TRPC4: variants seen among roughly 807,000 people sequenced by gnomAD.
TRPC4 encodes the protein short transient receptor potential channel 4.
Under a neutral mutation model 99.4 loss-of-function variants are expected in TRPC4, and 49 were observed. That is an observed-to-expected ratio of 0.49 (90% CI 0.39 to 0.63). The LOEUF (loss-of-function observed/expected upper bound fraction) is 0.63, where lower values mean the gene tolerates loss of function less well. Among genes scored for constraint, TRPC4 ranks in the 20% least tolerant of loss-of-function variants. TRPC4 has a pLI of 0.00. For missense variants in TRPC4, 898 were observed against 1,152.9 expected (o/e 0.78, Z 3.20); for synonymous variants, 454 against 425.9 (o/e 1.07, Z -0.81).
In TRPC4 at chr13:37,812,197, C is replaced by CAAAAAAAAA. The variant is rs1156963631; in HGVS notation, c.-27-28838_-27-28837insTTTTTTTTT. ...CTATCAAAAAAAAAAAAAAAAAAAC[C>CAAAAAAAAA]AGGAGATCTAATTGCTTCAAGTAAA... is the stretch of plus-strand genomic sequence containing the variant. On this transcript the variant is annotated intron_variant, in intron 1 of 10. Transcript: ENST00000379705. Among the ~76,000 whole-genome samples, 16 of 111,242 alleles carry CAAAAAAAAA rather than the reference C, an allele frequency of 1.4e-4. 1 individual carries two copies. The highest frequency in any genetic ancestry group is 2.8e-4 in the African/African-American group (9 of 32,088). 73.0% of individuals were successfully genotyped at this position (111,242 alleles called of 152,430 possible). A position where few individuals can be genotyped will look rare whatever the true frequency, so the allele number is the denominator to read the frequency against.
chr13:37,787,192 G>A (rs2139369551), intron 1 of TRPC4, among the ~76,000 whole-genome samples: 1 of 152,090 alleles, frequency 6.6e-6, no homozygotes, highest in Non-Finnish European at 1.5e-5. Flanking sequence ...TACTAAAGAG[G>A]AAATGAATTT....
intron 1 of TRPC4, among the ~76,000 whole-genome samples, chr13:37,821,989 A>G (rs936871527): frequency 1.3e-5 from 2 of 152,174 alleles, no homozygotes; most frequent in African/African-American, 4.8e-5. Flanking sequence ...AGAACTTCAC[A>G]CAGGAAAAGA....
Position 37,632,248 on chromosome 13 carries a change from T to C in TRPC4, c.*4655A>G, listed in dbSNP as rs1270723292. On this transcript the variant is annotated 3_prime_UTR_variant, in exon 11 of 11. Coordinates refer to ENST00000379705, the MANE Select transcript of TRPC4 (RefSeq NM_016179.4). The stretch of plus-strand genomic sequence containing the variant: ...AAGGCACAAATGCAAGCCACATACG[T>C]ATTTTTCAGTTTTCTAGTAGCCACA... Among the ~76,000 whole-genome samples, 1 of 152,208 alleles carries C rather than the reference T, an allele frequency of 6.6e-6. No individual in the cohort carries two copies. Among genetic ancestry groups the C allele is most frequent in the Non-Finnish European group, 1.5e-5 (1 of 68,026 alleles).
intron 2 of TRPC4, among the ~76,000 whole-genome samples, chr13:37,755,760 C>T (rs2139214046): frequency 6.6e-6 from 1 of 152,210 alleles, no homozygotes; most frequent in South Asian, 2.1e-4. Context: ...TAGTAAGGGG[C>T]ATTTGTTATA....
intron 3 of TRPC4, among the ~76,000 whole-genome samples, chr13:37,695,262 TACTTA>T (rs922510715): frequency 1.3e-5 from 2 of 152,016 alleles, no homozygotes; most frequent in Non-Finnish European, 1.5e-5. Flanking sequence ...CCTCACTGTT[TACTTA>T]GATTACTTGG....
intron 2 of TRPC4, among the ~76,000 whole-genome samples, chr13:37,773,623 T>C (rs547636195): frequency 3.3e-5 from 5 of 151,874 alleles, no homozygotes; most frequent in Admixed American, 6.6e-5. Context: ...TATAGTGGCA[T>C]TGGGGAAGTC....
At position 37,761,988 on chromosome 13, in the gene TRPC4, T is replaced by G. The variant is rs73168478; in HGVS notation, c.379-15533A>C. 7.5e-4 allele frequency among the ~76,000 whole-genome samples: 114 copies of G among 151,962 alleles called. 1 individual carries two copies. Among genetic ancestry groups the G allele is most frequent in the African/African-American group, 2.5e-3 (104 of 41,536 alleles). ...ATACATCAGGAATAACAATTAAATA[T>G]TATTTGTATTTTAGGTAAATACTGG... On this transcript the variant is annotated intron_variant, in intron 2 of 10. Coordinates refer to ENST00000379705, the MANE Select transcript of TRPC4 (RefSeq NM_016179.4).
intron 1 of TRPC4, among the ~76,000 whole-genome samples, chr13:37,794,830 A>G (rs987945351): frequency 4.6e-5 from 7 of 152,190 alleles, no homozygotes; most frequent in Non-Finnish European, 8.8e-5. Context: ...TGGGTGTCCC[A>G]TCAGTATATA....
chr13:37,677,129 A>C (rs1294149405), intron 4 of TRPC4, among the ~76,000 whole-genome samples: 1 of 152,070 alleles, frequency 6.6e-6, no homozygotes, highest in Non-Finnish European at 1.5e-5. Context: ...CACATAAAGC[A>C]GAATAATATT....
chr13:37,634,012 C>T lies in TRPC4; in HGVS notation c.*2891G>A, dbSNP rs77101760. 2.4e-3 allele frequency among the ~76,000 whole-genome samples: 362 copies of T among 152,132 alleles called. No individual in the cohort carries two copies. The highest frequency in any genetic ancestry group is 8.0e-3 in the African/African-American group (334 of 41,516). On this transcript the variant is annotated 3_prime_UTR_variant, in exon 11 of 11. Coordinates refer to ENST00000379705, the MANE Select transcript of TRPC4 (RefSeq NM_016179.4). The stretch of plus-strand genomic sequence containing the variant: ...TGATAAACAAAGTGTTTTAAACTTA[C>T]CTGCTAGTCTATTAAACTGAATTTT...
intron 4 of TRPC4, among the ~76,000 whole-genome samples, chr13:37,681,411 T>C (rs1463747000): frequency 6.6e-6 from 1 of 152,192 alleles, no homozygotes; most frequent in African/African-American, 2.4e-5. Flanking sequence ...ATAGATAAGA[T>C]TGCCAATCAA....
chr13:37,760,922 A>G (rs1401490344), intron 2 of TRPC4, among the ~76,000 whole-genome samples: 1 of 151,928 alleles, frequency 6.6e-6, no homozygotes, highest in East Asian at 1.9e-4. Context: ...AATTGCACAG[A>G]CTATTCTTTA....
intron 2 of TRPC4, among the ~76,000 whole-genome samples, chr13:37,752,892 G>A (rs1381448755): frequency 1.3e-5 from 2 of 151,854 alleles, no homozygotes; most frequent in African/African-American, 4.8e-5. Flanking sequence ...TACTATACAT[G>A]AGCAATGTGC....
chr13:37,745,458 A>ATATATATATATATATGCGTG (rs1593641266), intron 3 of TRPC4, among the ~76,000 whole-genome samples: 74 of 6,584 alleles, frequency 0.011, no homozygotes, highest in East Asian at 0.024. Flanking sequence ...ATATATATAT[A>ATATATATATATATATGCGTG]TATATATATA....
intron 8 of TRPC4, among the ~76,000 whole-genome samples, chr13:37,642,827 T>C (rs1382663152): frequency 4.0e-5 from 6 of 151,486 alleles, no homozygotes; most frequent in Non-Finnish European, 8.8e-5. Flanking sequence ...GTCTCCCAGA[T>C]TCAAGCCATT....
chr13:37,858,113 T>C lies in TRPC4; in HGVS notation c.-28+11482A>G, dbSNP rs559680644. Among the ~76,000 whole-genome samples the C allele has an allele frequency of 7.2e-5, 11 of 151,762 alleles. No homozygotes were observed. In the South Asian group the frequency reaches 1.2e-3, roughly 17 times the overall value. On this transcript the variant is annotated intron_variant, in intron 1 of 10. Coordinates refer to ENST00000379705, the MANE Select transcript of TRPC4 (RefSeq NM_016179.4). ...ATCAAAAACAGGCAAAAGATTTGAA[T>C]AGATATTTCTCAGAAGAAGACATAC...
At chr13:37,644,983 T>C (rs1951828472) in intron 8 of TRPC4, among the ~76,000 whole-genome samples, 1 of 151,832 alleles carries the variant, frequency 6.6e-6, no homozygotes, top group South Asian at 2.1e-4. Context: ...AAAAATGGAT[T>C]TTGTGACAAA....
intron 3 of TRPC4, among the ~76,000 whole-genome samples, chr13:37,737,678 T>C (rs1415828986): frequency 6.6e-6 from 1 of 152,140 alleles, no homozygotes; most frequent in Non-Finnish European, 1.5e-5. Context: ...TTTGCTATGT[T>C]GCCCAAGCTG....
intron 2 of TRPC4, among the ~76,000 whole-genome samples, chr13:37,772,431 A>G (rs1754652890): frequency 6.6e-6 from 1 of 151,726 alleles, no homozygotes; most frequent in African/African-American, 2.4e-5. Flanking sequence ...CTATAAATCA[A>G]GTCTATGTCA....
Sources: allele counts gnomAD v4.1 joint callset (sites outside exome capture counted in the v4.1 genomes callset), GRCh38; gene constraint gnomAD v4.1.1; transcripts MANE v1.5; gene names NCBI Gene and HGNC (gene_info 2026-07-23, HGNC 2026-07-21).